The following SPI1 variants were observed in gnomAD, a reference collection of about 807,000 sequenced individuals.
SPI1 encodes Spi-1 proto-oncogene, also known as transcription factor PU.1.
SPI1 carries 3 observed loss-of-function variants against 30.7 expected under a neutral mutation model. The ratio of observed to expected loss-of-function variants is 0.10; its 90% CI spans 0.04 to 0.25. The LOEUF (loss-of-function observed/expected upper bound fraction) is 0.25. SPI1 is among the 10% of genes least tolerant of loss of function. The pLI, the probability that SPI1 is intolerant of heterozygous loss-of-function variation, is 1.00. For missense variants in SPI1, 261 were observed against 371.5 expected, an observed-to-expected ratio of 0.70 and a Z score of 2.45; for synonymous variants, 169 against 157.1, an observed-to-expected ratio of 1.08 and a Z score of -0.56.
rs1173025260 is a variant in SPI1, at chr11:47,367,748, ATTTTTTTTT to A, written c.143-7717_143-7709del. On this transcript the variant is annotated intron_variant, in intron 2 of 4. Coordinates refer to ENST00000378538, the MANE Select transcript of SPI1 (RefSeq NM_003120.3). ...ACTATGGGAAATAGATGATGGTTAA[ATTTTTTTTT>A]TTTTTTTTTTTTTTTTTTTTGAGAC... Among the ~76,000 whole-genome samples, 7 of 64,782 alleles carry A rather than the reference ATTTTTTTTT, an allele frequency of 1.1e-4. No homozygotes were observed. In the South Asian group the frequency reaches 1.9e-3, roughly 18 times the overall value. The allele number at this position is 64,782 out of a possible 152,430, so 42.5% of individuals were successfully genotyped here.
intron 1 of SPI1, among the ~76,000 whole-genome samples, chr11:47,377,230 T>G (rs1323916960): frequency 6.6e-6 from 1 of 152,098 alleles, no homozygotes; most frequent in East Asian, 1.9e-4. Flanking sequence ...CTGGTCGGGT[T>G]GGTGTGATGT....
At position 47,355,347 on chromosome 11, in the gene SPI1, C is replaced by A. The variant is rs140748162; in HGVS notation, c.693G>T (p.Ala231=). The A allele has an allele frequency of 6.2e-7, 1 of 1,613,212 alleles. No homozygotes were observed. The highest frequency in any genetic ancestry group is 1.3e-5 in the African/African-American group (1 of 74,912). The change falls in exon 5 of 5, where the codon GCG becomes GCT. Residue 231 remains alanine, a synonymous_variant. Transcript: ENST00000378538. ...CGCCCGTCTTGCCGTAGTTGCGCAG[C>A]GCGCGCGCCATCTTCTGGTAGGTCA... is the stretch of plus-strand genomic sequence containing the variant. The part of the protein sequence containing the change: ...KKMTYQKMAR[A]LRNYGKTGEV...
intron 2 of SPI1, among the ~76,000 whole-genome samples, chr11:47,361,683 G>A (rs368335640): frequency 9.9e-5 from 15 of 152,158 alleles, no homozygotes; most frequent in South Asian, 2.1e-4. Context: ...CCAGCCATGC[G>A]TGCGTGTGTA....
chr11:47,372,193 C>T (rs2095936874), intron 2 of SPI1, among the ~76,000 whole-genome samples: 1 of 151,950 alleles, frequency 6.6e-6, no homozygotes, highest in African/African-American at 2.4e-5. Flanking sequence ...CAACCTCCGC[C>T]TCCGGAGTTC....
chr11:47,360,405 C>T (rs2095918951), intron 2 of SPI1, among the ~76,000 whole-genome samples: 2 of 152,162 alleles, frequency 1.3e-5, no homozygotes, highest in Admixed American at 1.3e-4. Flanking sequence ...CCTCTCTAAC[C>T]TCAGTTGAGT....
intron 2 of SPI1, among the ~76,000 whole-genome samples, chr11:47,367,440 G>T (rs1399025536): frequency 6.6e-6 from 1 of 151,506 alleles, no homozygotes; most frequent in Non-Finnish European, 1.5e-5. Flanking sequence ...TGTAATCCCA[G>T]CTACTTGGGA....
At chr11:47,360,657 C>T (rs527448167) in intron 2 of SPI1, among the ~76,000 whole-genome samples, 15 of 151,542 alleles carry the variant, frequency 9.9e-5, no homozygotes, top group African/African-American at 1.5e-4. Flanking sequence ...GAAATCCCAT[C>T]TCTACTAAAA....
intron 2 of SPI1, among the ~76,000 whole-genome samples, chr11:47,370,470 G>A (rs1488640709): frequency 2.0e-5 from 3 of 151,590 alleles, no homozygotes; most frequent in Non-Finnish European, 2.9e-5. Flanking sequence ...TTGGGAGTCC[G>A]AGGCGGGCAG....
At chr11:47,358,725 G>GTA (rs2095916011) in intron 4 of SPI1, 119 bp downstream of exon 4, 2 of 943,290 alleles carry the variant, frequency 2.1e-6, no homozygotes, top group East Asian at 5.4e-5. Flanking sequence ...TGGCAAACAT[G>GTA]CACACACACA....
At chr11:47,370,081 A>G (rs2095933656) in intron 2 of SPI1, among the ~76,000 whole-genome samples, 1 of 152,210 alleles carries the variant, frequency 6.6e-6, no homozygotes. Context: ...AAGAGTTCTT[A>G]TCTCCTTGCT....
At chr11:47,357,010 TCA>T (rs572956151) in intron 4 of SPI1, among the ~76,000 whole-genome samples, 5 of 148,210 alleles carry the variant, frequency 3.4e-5, no homozygotes, top group African/African-American at 7.5e-5. Context: ...ACACACTTCC[TCA>T]CACACCTCAC....
In SPI1 at chr11:47,375,797, C is replaced by T. The variant is rs563746168; in HGVS notation, c.46-68G>A. The T allele has an allele frequency of 8.6e-6, 11 of 1,277,528 alleles. No homozygotes were observed. The highest frequency in any genetic ancestry group is 4.6e-5 in the East Asian group (2 of 43,260). The allele number at this position is 1,277,528 out of a possible 1,614,324, so 79.1% of individuals were successfully genotyped here. Reference sequence around the variant, plus strand: ...ACCCCAGCCAGGCCTGCAGCACCCCCGCACGCTGGGTCCCCATCACCTTCC... The same window carrying T: ...ACCCCAGCCAGGCCTGCAGCACCCCTGCACGCTGGGTCCCCATCACCTTCC... On this transcript the variant is annotated intron_variant, in intron 1 of 4. Transcript: ENST00000378538. This position sits in a 1 kb window ranked among gnomAD's most constrained non-coding sequence, Gnocchi z 4.2.
At position 47,355,195 on chromosome 11, in the gene SPI1, A is replaced by AGGCCTGGCGG; in HGVS notation, c.*22_*31dup. 1 of 1,308,638 alleles carries AGGCCTGGCGG rather than the reference A, an allele frequency of 7.6e-7. No individual in the cohort carries two copies. Among genetic ancestry groups the AGGCCTGGCGG allele is most frequent in the Non-Finnish European group, 9.7e-7 (1 of 1,032,332 alleles). 81.1% of individuals were successfully genotyped at this position (1,308,638 alleles called of 1,614,324 possible). A position where few individuals can be genotyped will look rare whatever the true frequency, so the allele number is the denominator to read the frequency against. On this transcript the variant is annotated 3_prime_UTR_variant, in exon 5 of 5. Transcript: ENST00000378538. ...GGGCTTAATGCTATGGCCAGCGGGG[A>AGGCCTGGCGG]GGCCTGGCGGGGCCCGGCGGGGGCT...
chr11:47,356,579 C>A (rs758634265), intron 4 of SPI1, among the ~76,000 whole-genome samples: 5 of 151,706 alleles, frequency 3.3e-5, no homozygotes, highest in African/African-American at 1.2e-4. Flanking sequence ...TGCTCATACA[C>A]CTCACACCAG....
Position 47,365,258 on chromosome 11 carries a change from C to T in SPI1, c.143-5218G>A, listed in dbSNP as rs140478063. 5.7e-3 allele frequency among the ~76,000 whole-genome samples: 861 copies of T among 152,296 alleles called. 5 individuals carry two copies. The highest frequency in any genetic ancestry group is 7.5e-3 in the Non-Finnish European group (510 of 68,030). The stretch of plus-strand genomic sequence containing the variant: ...TCACCCATATGCCCCCTTAGCATGA[C>T]TCTCAGCTCCTCGAAAGAATATAAT... On this transcript the variant is annotated intron_variant, in intron 2 of 4. Transcript: ENST00000378538.
intron 4 of SPI1, among the ~76,000 whole-genome samples, chr11:47,356,591 T>G (rs2095910022): frequency 6.7e-6 from 1 of 148,470 alleles, no homozygotes; most frequent in Non-Finnish European, 1.5e-5. Flanking sequence ...TCACACCAGG[T>G]CTCATAATCA....
At chr11:47,365,723 G>C (rs1364605284) in intron 2 of SPI1, among the ~76,000 whole-genome samples, 1 of 152,100 alleles carries the variant, frequency 6.6e-6, no homozygotes, top group Non-Finnish European at 1.5e-5. Context: ...TTGAGATGGA[G>C]TCTCATGCTT....
At position 47,375,561 on chromosome 11, in the gene SPI1, C is replaced by T. The variant is rs2095941096; in HGVS notation, c.142+72G>A. ...AAAGAAGTCCTGGGAATCATTTATT[C>T]TTTTTCTCTCTCCAGACCCCAGGAG... On this transcript the variant is annotated intron_variant, in intron 2 of 4. Transcript: ENST00000378538. The surrounding 1 kb of genome is among the most constrained non-coding windows in gnomAD (Gnocchi z 4.2). The T allele has an allele frequency of 8.4e-7, 1 of 1,195,210 alleles. No homozygotes were observed. Among genetic ancestry groups the T allele is most frequent in the Non-Finnish European group, 1.2e-6 (1 of 808,406 alleles). The allele number at this position is 1,195,210 out of a possible 1,614,324, so 74.0% of individuals were successfully genotyped here.
In SPI1 at chr11:47,359,165, G is replaced by T. The variant is rs1378085750; in HGVS notation, c.331-159C>A. 6.6e-6 allele frequency among the ~76,000 whole-genome samples: 1 copy of T among 152,196 alleles called. No homozygotes were observed. Among genetic ancestry groups the T allele is most frequent in the African/African-American group, 2.4e-5 (1 of 41,440 alleles). On this transcript the variant is annotated intron_variant, in intron 3 of 4. Transcript: ENST00000378538. The surrounding 1 kb of genome is among the most constrained non-coding windows in gnomAD (Gnocchi z 5.1). ...AGAAGACCAGGGAAAAGGGGGGCCA[G>T]TTGAGGTGCTGCACATAGGGTGCAG...
Sources: allele counts gnomAD v4.1 joint callset (sites outside exome capture counted in the v4.1 genomes callset), GRCh38; gene constraint gnomAD v4.1.1; non-coding constraint Gnocchi (gnomAD v3.1); transcripts MANE v1.5; gene names NCBI Gene and HGNC (gene_info 2026-07-23, HGNC 2026-07-21).